Variants in EYS observed in about 807,000 individuals in gnomAD.
The protein encoded by EYS is EGF-like photoreceptor maintenance factor.
EYS carries 250 observed loss-of-function variants against 282.1 expected under a neutral mutation model. The ratio of observed to expected loss-of-function variants is 0.89; its 90% CI spans 0.80 to 0.98. The LOEUF is 0.98. EYS is among the 50% of genes least tolerant of loss of function. EYS has a pLI of 0.00. For synonymous variants in EYS, 1,355 were observed against 1,282.9 expected, an observed-to-expected ratio of 1.06 and a Z score of -1.20; for missense variants, 4,016 against 3,709.0, an observed-to-expected ratio of 1.08 and a Z score of -2.15.
At chr6:64,660,309 C>A (rs111910783) in intron 22 of EYS, among the ~76,000 whole-genome samples, 1 of 151,582 alleles carries the variant, frequency 6.6e-6, no homozygotes, top group East Asian at 1.9e-4. Context: ...TGGAAGCATT[C>A]CCTTTGAAAA....
intron 26 of EYS, among the ~76,000 whole-genome samples, chr6:64,505,255 T>A (rs980293848): frequency 6.6e-6 from 1 of 152,246 alleles, no homozygotes; most frequent in Admixed American, 6.5e-5. Context: ...ATTATATGTG[T>A]TCCTCACAGT....
chr6:64,570,462 T>C (rs2149816882), intron 26 of EYS, among the ~76,000 whole-genome samples: 1 of 152,290 alleles, frequency 6.6e-6, no homozygotes, highest in Non-Finnish European at 1.5e-5. Context: ...TAAATGTAAA[T>C]GGGCTAAATG....
intron 19 of EYS, among the ~76,000 whole-genome samples, chr6:64,875,881 T>C (rs1176778593): frequency 6.6e-6 from 1 of 152,066 alleles, no homozygotes; most frequent in African/African-American, 2.4e-5. Context: ...AAATATATGA[T>C]AATTGATGTG....
At chr6:64,097,670 G>T (rs892784707) in intron 31 of EYS, among the ~76,000 whole-genome samples, 3 of 152,104 alleles carry the variant, frequency 2.0e-5, no homozygotes, top group Admixed American at 1.3e-4. Flanking sequence ...CTTTGACTAG[G>T]GAAGGGAATT....
At chr6:65,090,300 C>A (rs549548928) in intron 12 of EYS, among the ~76,000 whole-genome samples, 1 of 152,266 alleles carries the variant, frequency 6.6e-6, no homozygotes, top group African/African-American at 2.4e-5. Context: ...ATTTCCCCTT[C>A]TTACACTTCT....
Position 64,591,100 on chromosome 6 carries a change from G to A in EYS, c.4767C>T (p.Asn1589=), listed in dbSNP as rs1766391878. The A allele has an allele frequency of 1.9e-6, 3 of 1,551,134 alleles. No individual in the cohort carries two copies. The highest frequency in any genetic ancestry group is 1.7e-6 in the Non-Finnish European group (2 of 1,146,794). The change falls in exon 26 of 43, where the codon AAC becomes AAT. Residue 1589 remains asparagine, a synonymous_variant. Coordinates refer to ENST00000503581, the MANE Select transcript of EYS (RefSeq NM_001142800.2). ...QSHFYETFWM[N]SAILASWYAL... ...CATACCAGCTGGCTAATATCGCTGA[G>A]TTCATCCAGAATGTCTCATAAAAGT...
chr6:65,151,097 A>G (rs1032590628), intron 12 of EYS, among the ~76,000 whole-genome samples: 1 of 152,012 alleles, frequency 6.6e-6, no homozygotes, highest in Non-Finnish European at 1.5e-5. Flanking sequence ...TTAGTATGAC[A>G]TTTTTGACAA....
intron 26 of EYS, among the ~76,000 whole-genome samples, chr6:64,499,214 C>T (rs1400152732): frequency 6.6e-6 from 1 of 152,162 alleles, no homozygotes; most frequent in African/African-American, 2.4e-5. Flanking sequence ...AAGATAAGGA[C>T]ATTTAAAATC....
intron 5 of EYS, among the ~76,000 whole-genome samples, chr6:65,456,001 AAAAG>A (rs796492762): frequency 1.0e-4 from 15 of 147,316 alleles, no homozygotes; most frequent in African/African-American, 2.4e-4. Context: ...GAGAGAAAGA[AAAAG>A]AAAGAAAGAA....
Position 63,998,173 on chromosome 6 carries a change from A to G in EYS, c.6834+902T>C, listed in dbSNP as rs547002114. 3.7e-4 allele frequency among the ~76,000 whole-genome samples: 56 copies of G among 152,292 alleles called. No individual in the cohort carries two copies. In the South Asian group the frequency reaches 0.011, roughly 30 times the overall value. On this transcript the variant is annotated intron_variant, in intron 34 of 42. Transcript: ENST00000503581. ...AGATAGAGCCTCCTTTCTTATCACTATAAAATTCTGGTCAAATAAGATACT... is the reference window on the plus strand; with the variant it reads ...AGATAGAGCCTCCTTTCTTATCACTGTAAAATTCTGGTCAAATAAGATACT...
At chr6:65,091,634 G>C (rs1449103952) in intron 12 of EYS, among the ~76,000 whole-genome samples, 2 of 152,042 alleles carry the variant, frequency 1.3e-5, no homozygotes, top group Non-Finnish European at 1.5e-5. Context: ...CACGTAGTTT[G>C]AGTTTTTATT....
At chr6:63,807,740 T>A (rs1405907516) in intron 36 of EYS, among the ~76,000 whole-genome samples, 1 of 152,162 alleles carries the variant, frequency 6.6e-6, no homozygotes, top group Non-Finnish European at 1.5e-5. Context: ...TTGAGACATA[T>A]TGCTTCTTAT....
chr6:64,230,430 A>C (rs1367741022), intron 31 of EYS, among the ~76,000 whole-genome samples, 162 bp downstream of exon 31: 2 of 152,232 alleles, frequency 1.3e-5, no homozygotes, highest in Admixed American at 6.5e-5. Context: ...TACAATACTA[A>C]ACTGAAAGTA....
chr6:65,330,183 T>A, intron 11 of EYS: 1 of 977,936 alleles, frequency 1.0e-6, no homozygotes, highest in Non-Finnish European at 1.2e-6. Context: ...CTTACCTATG[T>A]ATAGTACATT....
chr6:65,373,528 A>T (rs1765242384), intron 8 of EYS, among the ~76,000 whole-genome samples: 1 of 151,986 alleles, frequency 6.6e-6, no homozygotes. Context: ...GACTTCTAAC[A>T]TTTTCAGCAC....
At chr6:64,032,144 G>T (rs901007542) in intron 33 of EYS, among the ~76,000 whole-genome samples, 5 of 152,014 alleles carry the variant, frequency 3.3e-5, no homozygotes, top group African/African-American at 1.2e-4. Context: ...CACTGCAAAG[G>T]TCCGCAGCTT....
intron 33 of EYS, among the ~76,000 whole-genome samples, chr6:64,023,484 T>TAGGC (rs1769293445): frequency 6.6e-6 from 1 of 152,242 alleles, no homozygotes; most frequent in Non-Finnish European, 1.5e-5. Context: ...ACACTTATAT[T>TAGGC]TTACACTTTA....
At chr6:63,953,723 T>C (rs1356784631) in intron 35 of EYS, among the ~76,000 whole-genome samples, 1 of 152,154 alleles carries the variant, frequency 6.6e-6, no homozygotes, top group Admixed American at 6.6e-5. Context: ...TAAAAAGCCC[T>C]AAAAACTGCT....
rs1242966481 is a variant in EYS at position 65,000,847 on chromosome 6, C to T, written c.2138-3144G>A. Among the ~76,000 whole-genome samples, 5 of 152,218 alleles carry T rather than the reference C, an allele frequency of 3.3e-5. No individual in the cohort carries two copies. In the South Asian group the frequency reaches 8.3e-4, roughly 25 times the overall value. ...ATGGTGTTCAAGATTTACAGACTCA[C>T]ACACAAACACACACATATATGCAGT... is the stretch of plus-strand genomic sequence containing the variant. On this transcript the variant is annotated intron_variant, in intron 13 of 42. Coordinates refer to ENST00000503581, the MANE Select transcript of EYS (RefSeq NM_001142800.2).
Sources: allele counts gnomAD v4.1 joint callset (sites outside exome capture counted in the v4.1 genomes callset), GRCh38; gene constraint gnomAD v4.1.1; transcripts MANE v1.5; gene names NCBI Gene and HGNC (gene_info 2026-07-23, HGNC 2026-07-21).